VAV2: variants seen among roughly 807,000 people sequenced by gnomAD.
VAV2 encodes the protein guanine nucleotide exchange factor VAV2.
Under a neutral mutation model 132.5 loss-of-function variants are expected in VAV2, and 67 were observed. The observed-to-expected ratio is 0.51, with a 90% CI of 0.42 to 0.62. VAV2 has a LOEUF of 0.62. Among genes scored for constraint, VAV2 ranks in the 20% least tolerant of loss-of-function variants. The pLI is 0.00. For missense variants in VAV2, 938 were observed against 1,153.6 expected (o/e 0.81, Z 2.71); for synonymous variants, 492 against 443.5 (o/e 1.11, Z -1.37).
At chr9:133,878,938 G>T (rs1838377843) in intron 2 of VAV2, among the ~76,000 whole-genome samples, 1 of 152,170 alleles carries the variant, frequency 6.6e-6, no homozygotes, top group Non-Finnish European at 1.5e-5. Flanking sequence ...CCAGGGTCGG[G>T]TCGCCCCATT....
intron 1 of VAV2, among the ~76,000 whole-genome samples, chr9:133,972,543 G>A (rs1477485415): frequency 6.6e-6 from 1 of 152,186 alleles, no homozygotes; most frequent in African/African-American, 2.4e-5. Context: ...GGGGCGGCCC[G>A]CCTCCTGCAA....
intron 1 of VAV2, among the ~76,000 whole-genome samples, chr9:133,954,625 C>T (rs779044643): frequency 7.2e-5 from 11 of 152,310 alleles, no homozygotes; most frequent in Non-Finnish European, 1.5e-4. Context: ...ACCTGTGGGG[C>T]GGGCGGGGGA....
At chr9:133,915,016 A>G (rs547417595) in intron 2 of VAV2, among the ~76,000 whole-genome samples, 15 of 152,248 alleles carry the variant, frequency 9.9e-5, no homozygotes, top group Admixed American at 7.2e-4. Context: ...GGGAGGGAGC[A>G]GGGAAGCACG....
intron 2 of VAV2, among the ~76,000 whole-genome samples, chr9:133,872,440 T>G (rs1252301047): frequency 2.0e-5 from 3 of 152,182 alleles, no homozygotes; most frequent in African/African-American, 7.2e-5. Context: ...GCACCGTCTT[T>G]TCCCCACTGC....
chr9:133,924,518 G>A (rs1840404850), intron 2 of VAV2, among the ~76,000 whole-genome samples: 1 of 152,176 alleles, frequency 6.6e-6, no homozygotes. Flanking sequence ...GTTAACAATA[G>A]CAGTAATCAC....
At chr9:133,964,050 C>CAT (rs757580734) in intron 1 of VAV2, among the ~76,000 whole-genome samples, 31,399 of 83,966 alleles carry the variant, frequency 0.37, 5,591 homozygotes, top group East Asian at 0.61. Context: ...TATATATATA[C>CAT]ATATATATAC....
At chr9:133,795,542 A>G in intron 12 of VAV2, 126 bp downstream of exon 12, 1 of 1,223,378 alleles carries the variant, frequency 8.2e-7, no homozygotes, top group Non-Finnish European at 1.2e-6. Flanking sequence ...GCCCTGCCCC[A>G]ACTCCTGCTG....
At chr9:133,822,781 A>G (rs1835845245) in intron 4 of VAV2, among the ~76,000 whole-genome samples, 1 of 151,624 alleles carries the variant, frequency 6.6e-6, no homozygotes, top group African/African-American at 2.4e-5. Context: ...GCCTCCCACC[A>G]TCTAAAAATA....
At position 133,773,097 on chromosome 9, in the gene VAV2, G is replaced by A. The variant is rs371384838; in HGVS notation, c.2136-1051C>T. 1.4e-4 allele frequency among the ~76,000 whole-genome samples: 17 copies of A among 124,414 alleles called. No individual in the cohort carries two copies. In the East Asian group the frequency reaches 1.8e-3, roughly 13 times the overall value. The allele number at this position is 124,414 out of a possible 152,430, so 81.6% of individuals were successfully genotyped here. On this transcript the variant is annotated intron_variant, in intron 25 of 29. Transcript: ENST00000371850. The stretch of plus-strand genomic sequence containing the variant: ...TGCACACCCCACAGCTAGGCTGGAC[G>A]GCAGAGCCTACTGCACACCCCACAC...
At chr9:133,895,597 C>T (rs13287070) in intron 2 of VAV2, among the ~76,000 whole-genome samples, 26,834 of 151,608 alleles carry the variant, frequency 0.18, 2,879 homozygotes, top group East Asian at 0.29. Context: ...CCAGACCAGG[C>T]AAATCCACAG....
chr9:133,962,806 T>A (rs1246202652), intron 1 of VAV2, among the ~76,000 whole-genome samples: 1 of 152,236 alleles, frequency 6.6e-6, no homozygotes, highest in Non-Finnish European at 1.5e-5. Flanking sequence ...CAACTTTCCC[T>A]TTTATGTTAT....
At chr9:133,774,369 G>A (rs1833737384) in intron 25 of VAV2, among the ~76,000 whole-genome samples, 1 of 152,218 alleles carries the variant, frequency 6.6e-6, no homozygotes, top group Admixed American at 6.5e-5. Context: ...GGTGGGCAAT[G>A]TCCCACCAGC....
chr9:133,789,411 G>A, intron 13 of VAV2, 68 bp from the exon 14 acceptor site: 1 of 1,511,254 alleles, frequency 6.6e-7, no homozygotes, highest in Middle Eastern at 1.7e-4. Context: ...CGCACGGGCA[G>A]GGCAGACTGT....
At position 133,828,460 on chromosome 9, in the gene VAV2, G is replaced by A. The variant is rs605855; in HGVS notation, c.449+5812C>T. Among the ~76,000 whole-genome samples the A allele has an allele frequency of 1.6e-3, 15 of 9,388 alleles. 3 individuals are homozygous for A. Among genetic ancestry groups the A allele is most frequent in the African/African-American group, 4.5e-3 (8 of 1,774 alleles). 6.2% of individuals were successfully genotyped at this position (9,388 alleles called of 152,430 possible). On this transcript the variant is annotated intron_variant, in intron 4 of 29. Coordinates refer to ENST00000371850, the MANE Select transcript of VAV2 (RefSeq NM_001134398.2). Reference sequence around the variant, plus strand: ...GGGCTGACCACTGACCACGGGCATCGCCAGCTACCGCTGCGCCCACTGGGG... The same window carrying A: ...GGGCTGACCACTGACCACGGGCATCACCAGCTACCGCTGCGCCCACTGGGG...
At chr9:133,904,485 G>C (rs1839565057) in intron 2 of VAV2, among the ~76,000 whole-genome samples, 1 of 152,254 alleles carries the variant, frequency 6.6e-6, no homozygotes, top group Non-Finnish European at 1.5e-5. Context: ...AATTCGATGA[G>C]TGAGCAGGCT....
At chr9:133,963,384 C>T (rs146374899) in intron 1 of VAV2, among the ~76,000 whole-genome samples, 6 of 152,262 alleles carry the variant, frequency 3.9e-5, no homozygotes, top group African/African-American at 7.2e-5. Flanking sequence ...GCTGGGGGCA[C>T]CCAGGGTGGG....
intron 2 of VAV2, among the ~76,000 whole-genome samples, chr9:133,880,699 T>C (rs1468622735): frequency 6.6e-6 from 1 of 152,234 alleles, no homozygotes; most frequent in Non-Finnish European, 1.5e-5. Context: ...GGTTCATTCA[T>C]TGTAACCAAA....
intron 2 of VAV2, among the ~76,000 whole-genome samples, chr9:133,913,965 C>T (rs545610731): frequency 2.5e-4 from 38 of 152,320 alleles, no homozygotes; most frequent in African/African-American, 9.1e-4. Flanking sequence ...TGGAGCTCTT[C>T]GAAGGGGTTT....
intron 24 of VAV2, 70 bp from the exon 25 acceptor site, chr9:133,775,121 G>T: frequency 7.5e-7 from 1 of 1,330,338 alleles, no homozygotes; most frequent in Non-Finnish European, 1.0e-6. Flanking sequence ...CCAGCCCTCC[G>T]TGCGTGGCAG....
Sources: gnomAD v4.1 joint callset for allele counts (sites outside exome capture counted in the v4.1 genomes callset) on GRCh38, gnomAD v4.1.1 for gene constraint, MANE v1.5 for transcripts, NCBI Gene and HGNC (gene_info 2026-07-23, HGNC 2026-07-21) for gene names.